The following RPS14 variants were observed in gnomAD, a reference collection of about 807,000 sequenced individuals.
RPS14 encodes ribosomal protein S14.
In RPS14, 1 loss-of-function variant was observed where a neutral mutation model predicts 15.4. The observed-to-expected ratio is 0.07, with a 90% CI of 0.02 to 0.31. The LOEUF is 0.31. Among genes scored for constraint, RPS14 ranks in the 10% least tolerant of loss-of-function variants. The pLI, the probability that RPS14 is intolerant of heterozygous loss-of-function variation, is 1.00. For missense variants in RPS14, 69 were observed against 205.5 expected, an observed-to-expected ratio of 0.34 and a Z score of 4.06; for synonymous variants, 68 against 74.4, an observed-to-expected ratio of 0.91 and a Z score of 0.44.
chr5:150,447,511 A>T, intron 2 of RPS14, 74 bp downstream of exon 2: 1 of 1,452,988 alleles, frequency 6.9e-7, no homozygotes, highest in Non-Finnish European at 9.6e-7. Flanking sequence ...GAATCCCCTG[A>T]ACTGCTAGCC....
intron 3 of RPS14, among the ~76,000 whole-genome samples, chr5:150,445,892 A>G (rs983190086): frequency 2.0e-5 from 3 of 152,116 alleles, no homozygotes; most frequent in Admixed American, 1.3e-4. Flanking sequence ...GGAGTTCAAG[A>G]CCAGCCTGAG....
At chr5:150,447,205 C>A in intron 2 of RPS14, 1 of 549,382 alleles carries the variant, frequency 1.8e-6, no homozygotes, top group East Asian at 3.1e-5. Context: ...ACATTACTGT[C>A]CTAATTTTAC....
At chr5:150,447,043 C>A in intron 2 of RPS14, 80 bp from the exon 3 acceptor site, 1 of 1,522,516 alleles carries the variant, frequency 6.6e-7, no homozygotes, top group Non-Finnish European at 9.0e-7. Context: ...AAGAGCAACA[C>A]AGCTCAGTCA....
Position 150,444,043 on chromosome 5 carries a change from G to C in RPS14, c.*243C>G. The C allele has an allele frequency of 3.0e-6, 1 of 336,640 alleles. No individual in the cohort carries two copies. The highest frequency in any genetic ancestry group is 5.3e-6 in the Non-Finnish European group (1 of 187,372). 20.9% of individuals were successfully genotyped at this position (336,640 alleles called of 1,614,324 possible). A position where few individuals can be genotyped will look rare whatever the true frequency, so the allele number is the denominator to read the frequency against. ...TAGAACCAGCATCTCCACTCAAAAC[G>C]AGGTCTCCAACGCCTTGGTCTGCTT... On this transcript the variant is annotated 3_prime_UTR_variant, in exon 5 of 5. Coordinates refer to ENST00000407193, the MANE Select transcript of RPS14 (RefSeq NM_005617.4).
At chr5:150,445,047 T>G (rs1026885660) in intron 4 of RPS14, among the ~76,000 whole-genome samples, 7 of 152,164 alleles carry the variant, frequency 4.6e-5, no homozygotes, top group Non-Finnish European at 8.8e-5. Context: ...ATCCTTCAAG[T>G]AGGACACAGT....
Position 150,445,636 on chromosome 5 carries a change from G to A in RPS14, c.361C>T (p.Arg121Cys). 1.2e-6 allele frequency: 2 copies of A among 1,612,604 alleles called. No individual in the cohort carries two copies. Among genetic ancestry groups the A allele is most frequent in the East Asian group, 2.2e-5 (1 of 44,880 alleles). The change falls in exon 4 of 5, where the codon CGC (arginine) becomes TGC (cysteine). Residue 121 changes from arginine to cysteine, a missense_variant. Physicochemically the swap from Arg to Cys is radical, Grantham distance 180. Coordinates refer to ENST00000407193, the MANE Select transcript of RPS14 (RefSeq NM_005617.4). Reference protein sequence around the residue: ...GAQSALRALARSGMKIGRIED... With the variant: ...GAQSALRALACSGMKIGRIED... ...ATCCGCCCGATCTTCATACCCGAGC[G>A]GGCAAGGGCTCTGAGGGCCGACTGG...
chr5:150,445,391 C>T (rs905217016), intron 4 of RPS14: 1 of 695,476 alleles, frequency 1.4e-6, no homozygotes, highest in Non-Finnish European at 2.6e-6. Context: ...CAGTGTAGGA[C>T]AGAGATTCAC....
rs1771026229 is a variant in RPS14, at chr5:150,444,369, G to A, written c.389-16C>T. 1 of 1,605,608 alleles carries A rather than the reference G, an allele frequency of 6.2e-7. No homozygotes were observed. The highest frequency in any genetic ancestry group is 8.5e-7 in the Non-Finnish European group (1 of 1,174,038). The stretch of plus-strand genomic sequence containing the variant: ...GTGACATCCTCTGTGGGGAGGAAGA[G>A]AAAGCGTCATTGCCTGGAGCTGGAT... On this transcript the variant is annotated splice_polypyrimidine_tract_variant and intron_variant, in intron 4 of 4. Coordinates refer to ENST00000407193, the MANE Select transcript of RPS14 (RefSeq NM_005617.4).
At position 150,446,307 on chromosome 5, in the gene RPS14, C is replaced by T. The variant is rs13177918; in HGVS notation, c.311+495G>A. On this transcript the variant is annotated intron_variant, in intron 3 of 4. Coordinates refer to ENST00000407193, the MANE Select transcript of RPS14 (RefSeq NM_005617.4). This position sits in a 1 kb window ranked among gnomAD's most constrained non-coding sequence, Gnocchi z 4.2. The stretch of plus-strand genomic sequence containing the variant: ...GCACCTCATGCCACTCTTTCCTTCA[C>T]AGGTGCCCAGGTTCACCCCCACCTC... Among the ~76,000 whole-genome samples the T allele has an allele frequency of 0.18, 27,646 of 152,038 alleles. 2,956 individuals are homozygous for T. The highest frequency in any genetic ancestry group is 0.34 in the South Asian group (1,625 of 4,822).
intron 4 of RPS14, chr5:150,445,404 A>T (rs1771062075): frequency 1.4e-6 from 1 of 702,478 alleles, no homozygotes. Context: ...AGATTCACAA[A>T]TGAAACAGGA....
chr5:150,445,556 T>G (rs1288215211), intron 4 of RPS14, 53 bp downstream of exon 4: 2 of 1,547,004 alleles, frequency 1.3e-6, no homozygotes, highest in Non-Finnish European at 1.8e-6. Context: ...ACGTGCTTTT[T>G]GGGGCCAATG....
rs1333252846 is a variant in RPS14 at position 150,446,067 on chromosome 5, G to A, written c.312-382C>T. Among the ~76,000 whole-genome samples, 3 of 151,890 alleles carry A rather than the reference G, an allele frequency of 2.0e-5. No homozygotes were observed. Among genetic ancestry groups the A allele is most frequent in the African/African-American group, 4.8e-5 (2 of 41,334 alleles). On this transcript the variant is annotated intron_variant, in intron 3 of 4. Coordinates refer to ENST00000407193, the MANE Select transcript of RPS14 (RefSeq NM_005617.4). The surrounding 1 kb of genome is among the most constrained non-coding windows in gnomAD (Gnocchi z 4.2). The stretch of plus-strand genomic sequence containing the variant: ...AGATAGCGCCACTGCACTCCAGCCT[G>A]GGTGAGAGTGAGACCCTGTCTCAAA...
In RPS14 at chr5:150,447,743, G is replaced by A. The variant is rs374543488; in HGVS notation, c.-2-8C>T. 4.4e-5 allele frequency: 71 copies of A among 1,611,354 alleles called. No homozygotes were observed. The African/African-American group carries it at 7.6e-4, about 17-fold the overall frequency. ...CCTTTCGAGGTGCCATTTCTGAGTG[G>A]AAGGAAAAGAAACTCAAGGTTAACA... On this transcript the variant is annotated splice_polypyrimidine_tract_variant and splice_region_variant and intron_variant, in intron 1 of 4. Coordinates refer to ENST00000407193, the MANE Select transcript of RPS14 (RefSeq NM_005617.4).
intron 1 of RPS14, chr5:150,449,251 T>C (rs544000955): frequency 1.3e-5 from 2 of 152,376 alleles, no homozygotes; most frequent in African/African-American, 2.4e-5. Flanking sequence ...TTTCCTTCTT[T>C]GAATGATCAC....
intron 4 of RPS14, 30 bp downstream of exon 4, chr5:150,445,579 C>T: frequency 6.2e-7 from 1 of 1,604,220 alleles, no homozygotes; most frequent in East Asian, 2.2e-5. Flanking sequence ...TCAAAATAAA[C>T]CCAAGCATTA....
chr5:150,443,915 C>T lies in RPS14; in HGVS notation c.*371G>A, dbSNP rs1056233811. 24 of 158,730 alleles carry T rather than the reference C, an allele frequency of 1.5e-4. No individual in the cohort carries two copies. The highest frequency in any genetic ancestry group is 6.2e-3 in the Middle Eastern group (2 of 322). The allele number at this position is 158,730 out of a possible 1,614,324, so 9.8% of individuals were successfully genotyped here. On this transcript the variant is annotated 3_prime_UTR_variant, in exon 5 of 5. Coordinates refer to ENST00000407193, the MANE Select transcript of RPS14 (RefSeq NM_005617.4). ...GGTGTGGGGGGAGAATGCACACCCA[C>T]GTGTGTTTATATATGGCATGGGTCT...
At position 150,444,198 on chromosome 5, in the gene RPS14, G is replaced by A. The variant is rs1771020274; in HGVS notation, c.*88C>T. On this transcript the variant is annotated 3_prime_UTR_variant, in exon 5 of 5. Transcript: ENST00000407193. ...TAGGAGGAAGAAATCAAATGCCTGA[G>A]TAGCCCCTGATGAAGGAGAGAAGGC... is the stretch of plus-strand genomic sequence containing the variant. 41 of 1,516,266 alleles carry A rather than the reference G, an allele frequency of 2.7e-5. No individual in the cohort carries two copies. The Middle Eastern group carries it at 7.0e-4, about 26-fold the overall frequency. The allele number at this position is 1,516,266 out of a possible 1,614,324, so 93.9% of individuals were successfully genotyped here. A position where few individuals can be genotyped will look rare whatever the true frequency, so the allele number is the denominator to read the frequency against.
In RPS14 at chr5:150,443,956, C is replaced by T. The variant is rs564704432; in HGVS notation, c.*330G>A. 42 of 180,242 alleles carry T rather than the reference C, an allele frequency of 2.3e-4. No individual in the cohort carries two copies. The highest frequency in any genetic ancestry group is 1.2e-3 in the Admixed American group (20 of 16,338). 11.2% of individuals were successfully genotyped at this position (180,242 alleles called of 1,614,324 possible). On this transcript the variant is annotated 3_prime_UTR_variant, in exon 5 of 5. Coordinates refer to ENST00000407193, the MANE Select transcript of RPS14 (RefSeq NM_005617.4). Reference sequence around the variant, plus strand: ...GCATGGGTCTGGAAGGCTCCTCTTTCGCTTCAGGCTACACTTGGATCAACA... The same window carrying T: ...GCATGGGTCTGGAAGGCTCCTCTTTTGCTTCAGGCTACACTTGGATCAACA...
intron 4 of RPS14, 160 bp downstream of exon 4, chr5:150,445,449 A>G (rs1771063837): frequency 1.4e-6 from 1 of 724,340 alleles, no homozygotes. Flanking sequence ...ATTCAGGGAG[A>G]GATTTTTAAG....
Sources: allele counts gnomAD v4.1 joint callset (sites outside exome capture counted in the v4.1 genomes callset), GRCh38; gene constraint gnomAD v4.1.1; non-coding constraint Gnocchi (gnomAD v3.1); transcripts MANE v1.5; gene names NCBI Gene and HGNC (gene_info 2026-07-23, HGNC 2026-07-21).